Variants in RERE observed in about 807,000 individuals in gnomAD.
The protein encoded by RERE is arginine-glutamic acid dipeptide repeats.
A neutral mutation model predicts 146.1 loss-of-function variants in RERE; 40 were observed. The observed-to-expected ratio is 0.27, with a 90% CI of 0.21 to 0.36. RERE has a LOEUF of 0.36. Ranked by LOEUF, RERE falls within the 10% of genes least tolerant of loss-of-function variation. The pLI, the probability that RERE is intolerant of heterozygous loss-of-function variation, is 1.00. For synonymous variants in RERE, 1,003 were observed against 866.0 expected, an observed-to-expected ratio of 1.16 and a Z score of -2.78; for missense variants, 1,933 against 2,138.7, an observed-to-expected ratio of 0.90 and a Z score of 1.90.
At chr1:8,461,853 A>T (rs551796731) in intron 11 of RERE, among the ~76,000 whole-genome samples, 76 of 151,770 alleles carry the variant, frequency 5.0e-4, no homozygotes, top group African/African-American at 1.7e-3. Context: ...TATTATTATT[A>T]TTTTTTTTGG....
At chr1:8,413,126 C>A (rs747746856) in intron 12 of RERE, among the ~76,000 whole-genome samples, 1 of 152,144 alleles carries the variant, frequency 6.6e-6, no homozygotes, top group African/African-American at 2.4e-5. Context: ...TGAACACACA[C>A]ACACATACTT....
In RERE at chr1:8,364,157, T is replaced by TCTCAATGGGCGGGAG. The variant is rs1374993561; in HGVS notation, c.1624_1638dup (p.Leu542_Glu546dup). 6.2e-7 allele frequency: 1 copy of TCTCAATGGGCGGGAG among 1,614,112 alleles called. No individual in the cohort carries two copies. The highest frequency in any genetic ancestry group is 8.5e-7 in the Non-Finnish European group (1 of 1,180,020). On this transcript the variant is annotated inframe_insertion, in exon 15 of 23. Transcript: ENST00000400908. The surrounding 1 kb of genome is among the most constrained non-coding windows in gnomAD (Gnocchi z 5.1). Reference sequence around the variant, plus strand: ...ATAAACGGTGGCGGGTCCACGGGCTTCTCAATGGGCGGGAGCTCACCGTAT... The same window carrying TCTCAATGGGCGGGAG: ...ATAAACGGTGGCGGGTCCACGGGCTTCTCAATGGGCGGGAGCTCAATGGGCGGGAGCTCACCGTAT...
At chr1:8,520,702 C>T (rs1222837376) in intron 7 of RERE, among the ~76,000 whole-genome samples, 3 of 142,518 alleles carry the variant, frequency 2.1e-5, no homozygotes, top group African/African-American at 5.2e-5. Context: ...TTAGGGGCTG[C>T]GGCCTAACAA....
chr1:8,405,283 A>C (rs976418806), intron 12 of RERE, among the ~76,000 whole-genome samples: 1 of 152,216 alleles, frequency 6.6e-6, no homozygotes, highest in African/African-American at 2.4e-5. Context: ...TAAGGAAATA[A>C]CTGCCCCCAG....
intron 2 of RERE, among the ~76,000 whole-genome samples, chr1:8,639,441 A>C: frequency 6.6e-6 from 1 of 152,196 alleles, no homozygotes; most frequent in East Asian, 1.9e-4. Flanking sequence ...CTTCAAAATC[A>C]TTCTGGTTTA....
chr1:8,701,600 G>A (rs1639452243), intron 1 of RERE, among the ~76,000 whole-genome samples: 2 of 152,022 alleles, frequency 1.3e-5, no homozygotes, highest in South Asian at 2.1e-4. Context: ...CATCAGCCAC[G>A]GGGAGGGAAA....
chr1:8,439,720 C>T (rs975217874), intron 11 of RERE, among the ~76,000 whole-genome samples: 3 of 152,186 alleles, frequency 2.0e-5, no homozygotes, highest in Non-Finnish European at 4.4e-5. Context: ...GAAATAGTAG[C>T]ATCCTTAGGA....
chr1:8,688,536 G>C (rs992644898), intron 1 of RERE, among the ~76,000 whole-genome samples: 3 of 151,592 alleles, frequency 2.0e-5, no homozygotes, highest in Admixed American at 6.6e-5. Flanking sequence ...ACTCCAGCCT[G>C]GGCAAAAGAG....
intron 6 of RERE, among the ~76,000 whole-genome samples, chr1:8,554,263 A>G (rs1027536213): frequency 3.3e-5 from 5 of 152,252 alleles, no homozygotes; most frequent in Non-Finnish European, 5.9e-5. Context: ...ATGTCAAAAC[A>G]TGTTGAATAC....
chr1:8,674,680 GTTGAC>G (rs1638795142), intron 1 of RERE, among the ~76,000 whole-genome samples: 1 of 152,192 alleles, frequency 6.6e-6, no homozygotes, highest in Non-Finnish European at 1.5e-5. Flanking sequence ...GTGCCCCAAT[GTTGAC>G]TTGACAAACT....
intron 12 of RERE, among the ~76,000 whole-genome samples, chr1:8,391,041 GGC>G (rs1642867745): frequency 6.6e-6 from 1 of 152,030 alleles, no homozygotes; most frequent in African/African-American, 2.4e-5. Flanking sequence ...ACTCCTACCT[GGC>G]GCTCAGTTTC....
chr1:8,707,727 A>G (rs891845284), intron 1 of RERE, among the ~76,000 whole-genome samples: 1 of 152,214 alleles, frequency 6.6e-6, no homozygotes, highest in African/African-American at 2.4e-5. Flanking sequence ...CATCCAGCAA[A>G]CAGTGACTGA....
At position 8,370,067 on chromosome 1, in the gene RERE, G is replaced by A. The variant is rs147967997; in HGVS notation, c.1285-4093C>T. Reference sequence around the variant, plus strand: ...GGCCTCCCAAAGTGCTGGGATTACAGGTGTGAGCCACCGTGCCCAGCCAGA... The same window carrying A: ...GGCCTCCCAAAGTGCTGGGATTACAAGTGTGAGCCACCGTGCCCAGCCAGA... On this transcript the variant is annotated intron_variant, in intron 12 of 22. Coordinates refer to ENST00000400908, the MANE Select transcript of RERE (RefSeq NM_001042681.2). Among the ~76,000 whole-genome samples, 1,119 of 152,172 alleles carry A rather than the reference G, an allele frequency of 7.4e-3. 10 individuals are homozygous for A. Among genetic ancestry groups the A allele is most frequent in the African/African-American group, 0.026 (1,061 of 41,528 alleles).
chr1:8,377,343 T>C (rs1005786293), intron 12 of RERE, among the ~76,000 whole-genome samples: 3 of 152,184 alleles, frequency 2.0e-5, no homozygotes, highest in African/African-American at 7.2e-5. Flanking sequence ...TTTGTTTAAA[T>C]ATAGGATGTA....
chr1:8,793,825 G>A (rs1641413167), intron 1 of RERE, among the ~76,000 whole-genome samples: 1 of 152,162 alleles, frequency 6.6e-6, no homozygotes, highest in Non-Finnish European at 1.5e-5. Flanking sequence ...AGCACTTTGG[G>A]AGGCCAAGAC....
At chr1:8,683,001 A>G (rs1639004511) in intron 1 of RERE, among the ~76,000 whole-genome samples, 1 of 140,614 alleles carries the variant, frequency 7.1e-6, no homozygotes, top group Non-Finnish European at 1.5e-5. Context: ...TAGACTCCAT[A>G]ATTTACCAAC....
chr1:8,743,425 AAT>A (rs1491422990), intron 1 of RERE, among the ~76,000 whole-genome samples: 1 of 90,126 alleles, frequency 1.1e-5, no homozygotes, highest in East Asian at 3.9e-4. Flanking sequence ...ACTACAGGCT[AAT>A]TTTTTTTTTT....
At chr1:8,477,155 G>A (rs768098400) in intron 10 of RERE, among the ~76,000 whole-genome samples, 3 of 152,162 alleles carry the variant, frequency 2.0e-5, no homozygotes, top group Non-Finnish European at 4.4e-5. Flanking sequence ...TAGTTAACAT[G>A]TCTACAGCCT....
intron 2 of RERE, among the ~76,000 whole-genome samples, chr1:8,647,641 A>ATATG (rs371893375): frequency 0.27 from 40,436 of 148,536 alleles, 5,814 homozygotes; most frequent in African/African-American, 0.32. Context: ...TAAAATATGT[A>ATATG]TGTGTGTGTG....
Sources: gnomAD v4.1 joint callset for allele counts (sites outside exome capture counted in the v4.1 genomes callset) on GRCh38, gnomAD v4.1.1 for gene constraint, Gnocchi (gnomAD v3.1) non-coding constraint, MANE v1.5 for transcripts, NCBI Gene and HGNC (gene_info 2026-07-23, HGNC 2026-07-21) for gene names.